The following MTNAP1 variants were observed in gnomAD, a reference collection of about 807,000 sequenced individuals.
MTNAP1 encodes mitochondrial nucleoid-associated protein 1.
At chr17:73,246,034 A>C in the MTNAP1 span, among the ~76,000 whole-genome samples, 17 of 152,222 alleles carry the variant, frequency 1.1e-4, no homozygotes, top group Admixed American at 1.1e-3. Flanking sequence ...GCTTTGGCCC[A>C]CAGAGAGTAA....
the MTNAP1 span, among the ~76,000 whole-genome samples, chr17:73,233,787 C>T: frequency 1.3e-5 from 2 of 151,958 alleles, no homozygotes; most frequent in African/African-American, 4.8e-5. Context: ...GCAGGAGAAC[C>T]GTTTGAACCT....
chr17:73,235,959 A>G, the MTNAP1 span: 3 of 1,614,248 alleles, frequency 1.9e-6, no homozygotes, highest in Non-Finnish European at 1.7e-6. Context: ...TGCCTAAATC[A>G]GGAGAAAGTC....
the MTNAP1 span, among the ~76,000 whole-genome samples, chr17:73,240,928 A>C: frequency 6.6e-6 from 1 of 152,170 alleles, no homozygotes; most frequent in Non-Finnish European, 1.5e-5. Context: ...TCTTCTGTGC[A>C]ATTTCTTGGA....
At chr17:73,245,110 G>A in the MTNAP1 span, 1 of 1,527,050 alleles carries the variant, frequency 6.5e-7, no homozygotes, top group Non-Finnish European at 9.1e-7. Flanking sequence ...GCAAAAGATA[G>A]TAACAGTCAT....
chr17:73,246,323 G>A, the MTNAP1 span, among the ~76,000 whole-genome samples: 1 of 152,056 alleles, frequency 6.6e-6, no homozygotes, highest in African/African-American at 2.4e-5. Context: ...CATGAAGTCA[G>A]GAGTTCAGGA....
chr17:73,234,026 T>A, the MTNAP1 span, among the ~76,000 whole-genome samples: 1 of 152,350 alleles, frequency 6.6e-6, no homozygotes, highest in South Asian at 2.1e-4. Flanking sequence ...TTGTAAGTGG[T>A]TTCAGTCACC....
the MTNAP1 span, chr17:73,236,798 C>A: frequency 1.2e-6 from 2 of 1,614,160 alleles, no homozygotes; most frequent in Non-Finnish European, 8.5e-7. Flanking sequence ...CAGCGTCACA[C>A]TCCTCAGAGC....
At chr17:73,233,484 G>A in the MTNAP1 span, among the ~76,000 whole-genome samples, 1 of 152,252 alleles carries the variant, frequency 6.6e-6, no homozygotes, top group South Asian at 2.1e-4. Context: ...GGCTTCATTT[G>A]TGTGTATTAT....
the MTNAP1 span, among the ~76,000 whole-genome samples, chr17:73,243,967 A>G: frequency 6.6e-6 from 1 of 152,176 alleles, no homozygotes; most frequent in Admixed American, 6.5e-5. Flanking sequence ...TACACCACAA[A>G]AGAGAGAAGG....
chr17:73,247,705 C>T, the MTNAP1 span: 3 of 174,560 alleles, frequency 1.7e-5, no homozygotes, highest in Non-Finnish European at 3.7e-5. Context: ...AATAAGAAGA[C>T]AGCTTTTTTG....
the MTNAP1 span, chr17:73,245,025 A>G: frequency 1.4e-6 from 1 of 713,676 alleles, no homozygotes; most frequent in African/African-American, 1.8e-5. Context: ...GACTGAAGAA[A>G]GTGAAACAAA....
the MTNAP1 span, among the ~76,000 whole-genome samples, chr17:73,246,918 C>G: frequency 2.6e-5 from 4 of 152,162 alleles, no homozygotes; most frequent in Non-Finnish European, 5.9e-5. Flanking sequence ...CTTAAGGATT[C>G]TCTCCACACC....
the MTNAP1 span, chr17:73,235,375 T>C: frequency 2.9e-6 from 3 of 1,033,244 alleles, no homozygotes; most frequent in Admixed American, 5.7e-5. Context: ...GTAGCAAACA[T>C]CTAGCTTGTT....
At chr17:73,236,038 G>C in the MTNAP1 span, 3 of 1,614,000 alleles carry the variant, frequency 1.9e-6, no homozygotes, top group African/African-American at 4.0e-5. Flanking sequence ...GTCAAATCAA[G>C]ATAGAAAATA....
the MTNAP1 span, chr17:73,235,893 G>A: frequency 8.7e-6 from 14 of 1,614,056 alleles, no homozygotes; most frequent in Non-Finnish European, 1.2e-5. Context: ...AAGAAACCAA[G>A]GCTCAGTTTT....
At chr17:73,236,763 G>A in the MTNAP1 span, 3 of 1,614,138 alleles carry the variant, frequency 1.9e-6, no homozygotes, top group Non-Finnish European at 2.5e-6. Flanking sequence ...CACACACTGG[G>A]TGCCAGAGCC....
At chr17:73,248,731 T>C in the MTNAP1 span, 2 of 628,190 alleles carry the variant, frequency 3.2e-6, no homozygotes, top group Admixed American at 5.0e-5. Context: ...AACTCACACG[T>C]GGTCTGTGTA....
the MTNAP1 span, among the ~76,000 whole-genome samples, chr17:73,239,100 C>G: frequency 6.6e-6 from 1 of 152,040 alleles, no homozygotes; most frequent in Non-Finnish European, 1.5e-5. Flanking sequence ...CCACGCCCGG[C>G]TAATTTTGTA....
At chr17:73,237,214 G>C in the MTNAP1 span, among the ~76,000 whole-genome samples, 1 of 152,168 alleles carries the variant, frequency 6.6e-6, no homozygotes, top group Non-Finnish European at 1.5e-5. Flanking sequence ...AAGGCAGGTG[G>C]ATCACTTGAA....
Sources: gnomAD v4.1 joint callset for allele counts (sites outside exome capture counted in the v4.1 genomes callset) on GRCh38, gnomAD v4.1.1 for gene constraint, MANE v1.5 for transcripts, NCBI Gene and HGNC (gene_info 2026-07-23, HGNC 2026-07-21) for gene names.